SPAG16: variants seen among roughly 807,000 people sequenced by gnomAD.
SPAG16 encodes sperm-associated antigen 16 protein.
In SPAG16, 86 loss-of-function variants were observed where a neutral mutation model predicts 80.4. The observed-to-expected ratio is 1.07, with a 90% CI of 0.90 to 1.28. The LOEUF (loss-of-function observed/expected upper bound fraction) is 1.28, where lower values mean the gene tolerates loss of function less well. SPAG16 is among the 50% of genes most tolerant of loss of function. The pLI is 0.00. For missense variants in SPAG16, 870 were observed against 765.3 expected, an observed-to-expected ratio of 1.14 and a Z score of -1.61; for synonymous variants, 294 against 265.9, an observed-to-expected ratio of 1.11 and a Z score of -1.03.
At chr2:213,718,558 G>C (rs577787759) in intron 10 of SPAG16, among the ~76,000 whole-genome samples, 1 of 152,202 alleles carries the variant, frequency 6.6e-6, no homozygotes, top group Non-Finnish European at 1.5e-5. Flanking sequence ...CCGGGTGGGC[G>C]TGGGCTTGGT....
intron 15 of SPAG16, among the ~76,000 whole-genome samples, chr2:214,303,983 A>G (rs1261357604): frequency 6.6e-6 from 1 of 152,030 alleles, no homozygotes; most frequent in African/African-American, 2.4e-5. Flanking sequence ...CCCATTAGGT[A>G]TTTTTCCTGA....
chr2:214,370,814 T>C (rs1461114282), intron 15 of SPAG16, among the ~76,000 whole-genome samples: 1 of 152,238 alleles, frequency 6.6e-6, no homozygotes, highest in African/African-American at 2.4e-5. Flanking sequence ...TGCCATTTTA[T>C]TGAAAAATCT....
intron 10 of SPAG16, among the ~76,000 whole-genome samples, chr2:213,814,684 G>A (rs1575214033): frequency 1.3e-5 from 2 of 152,238 alleles, no homozygotes; most frequent in Admixed American, 1.3e-4. Context: ...CAGCTACTCA[G>A]GAGGCTGAGG....
At chr2:213,766,425 T>C (rs1273627847) in intron 10 of SPAG16, among the ~76,000 whole-genome samples, 2 of 152,228 alleles carry the variant, frequency 1.3e-5, no homozygotes, top group Non-Finnish European at 2.9e-5. Context: ...AGTCACAGGT[T>C]GGGAGCTCTA....
intron 10 of SPAG16, among the ~76,000 whole-genome samples, chr2:213,716,316 A>G (rs915490844): frequency 6.6e-6 from 1 of 152,180 alleles, no homozygotes; most frequent in Admixed American, 6.5e-5. Flanking sequence ...TGAAATGTTA[A>G]ACAGCTGATG....
chr2:214,058,274 C>T (rs2050048145), intron 13 of SPAG16, among the ~76,000 whole-genome samples: 1 of 152,092 alleles, frequency 6.6e-6, no homozygotes, highest in South Asian at 2.1e-4. Context: ...TTAACTTGAA[C>T]ACTTCGAGGC....
At chr2:214,061,221 G>A (rs1259018735) in intron 13 of SPAG16, among the ~76,000 whole-genome samples, 1 of 152,128 alleles carries the variant, frequency 6.6e-6, no homozygotes, top group Non-Finnish European at 1.5e-5. Flanking sequence ...ACATGTGAAA[G>A]GATTAGAGGA....
At chr2:213,461,538 A>C (rs944701791) in intron 9 of SPAG16, among the ~76,000 whole-genome samples, 2 of 152,196 alleles carry the variant, frequency 1.3e-5, no homozygotes, top group Non-Finnish European at 2.9e-5. Flanking sequence ...TCTTGTGAAA[A>C]CAATGAAACT....
intron 10 of SPAG16, among the ~76,000 whole-genome samples, chr2:213,785,782 C>T (rs545410247): frequency 2.6e-5 from 4 of 152,052 alleles, no homozygotes; most frequent in Admixed American, 2.0e-4. Flanking sequence ...TTTGGGAGGC[C>T]GAGGCGGGAG....
intron 15 of SPAG16, among the ~76,000 whole-genome samples, chr2:214,203,851 A>G (rs367675785): frequency 6.6e-6 from 1 of 152,216 alleles, no homozygotes; most frequent in Non-Finnish European, 1.5e-5. Flanking sequence ...GGGTGCAGAC[A>G]AGCACAGAAG....
chr2:213,383,282 A>C (rs1211286477), intron 9 of SPAG16, among the ~76,000 whole-genome samples: 1 of 152,150 alleles, frequency 6.6e-6, no homozygotes, highest in African/African-American at 2.4e-5. Context: ...TATTCCTATT[A>C]TTATAGAAAT....
chr2:213,340,639 C>T (rs2064636178), intron 6 of SPAG16, among the ~76,000 whole-genome samples: 1 of 152,126 alleles, frequency 6.6e-6, no homozygotes, highest in Non-Finnish European at 1.5e-5. Flanking sequence ...ATAGTACATC[C>T]TCTGCAAATG....
intron 15 of SPAG16, among the ~76,000 whole-genome samples, chr2:214,268,832 A>G (rs1447818712): frequency 6.6e-6 from 1 of 151,840 alleles, no homozygotes; most frequent in African/African-American, 2.4e-5. Context: ...AGATTTCTGC[A>G]TTAATACAGG....
At chr2:214,161,743 G>A (rs1203063701) in intron 15 of SPAG16, among the ~76,000 whole-genome samples, 1 of 151,994 alleles carries the variant, frequency 6.6e-6, no homozygotes, top group Non-Finnish European at 1.5e-5. Flanking sequence ...TTAATACCTA[G>A]GTGATGGGTT....
intron 9 of SPAG16, among the ~76,000 whole-genome samples, chr2:213,396,952 A>G (rs186270158): frequency 1.3e-3 from 199 of 152,074 alleles, no homozygotes; most frequent in African/African-American, 4.5e-3. Context: ...TTTGTACTCT[A>G]TTGAATTCAA....
rs187048510 is a variant in SPAG16 at position 213,326,861 on chromosome 2, G to A, written c.536+9505G>A. Among the ~76,000 whole-genome samples the A allele has an allele frequency of 5.2e-3, 795 of 151,880 alleles. 11 individuals carry two copies. The highest frequency in any genetic ancestry group is 0.018 in the African/African-American group (747 of 41,498). The stretch of plus-strand genomic sequence containing the variant: ...CAGTTAATAAAATTATTTTACCATG[G>A]ATATTCACTTCAAAATATTTTTGAG... On this transcript the variant is annotated intron_variant, in intron 5 of 15. Coordinates refer to ENST00000331683, the MANE Select transcript of SPAG16 (RefSeq NM_024532.5).
chr2:213,641,661 GCTCT>G (rs1216844236), intron 10 of SPAG16, among the ~76,000 whole-genome samples: 1 of 152,114 alleles, frequency 6.6e-6, no homozygotes, highest in South Asian at 2.1e-4. Flanking sequence ...ATTTTACTTG[GCTCT>G]CTAATTTTGT....
chr2:214,035,198 G>A (rs1170442554), intron 13 of SPAG16, among the ~76,000 whole-genome samples: 1 of 152,042 alleles, frequency 6.6e-6, no homozygotes, highest in African/African-American at 2.4e-5. Flanking sequence ...GGCTTTTATG[G>A]GCCTCAGAGG....
intron 15 of SPAG16, among the ~76,000 whole-genome samples, chr2:214,329,108 C>T (rs560269992): frequency 1.3e-5 from 2 of 152,256 alleles, no homozygotes; most frequent in South Asian, 2.1e-4. Flanking sequence ...AAAACAAAGG[C>T]GGTTTCTCAT....
Sources: gnomAD v4.1 joint callset for allele counts (sites outside exome capture counted in the v4.1 genomes callset) on GRCh38, gnomAD v4.1.1 for gene constraint, MANE v1.5 for transcripts, NCBI Gene and HGNC (gene_info 2026-07-23, HGNC 2026-07-21) for gene names.